Variants in PDE11A observed in about 807,000 individuals in gnomAD.
The protein encoded by PDE11A is phosphodiesterase 11A.
Under a neutral mutation model 100.5 loss-of-function variants are expected in PDE11A, and 100 were observed. That is an observed-to-expected ratio of 1.00 (90% CI 0.85 to 1.18). The LOEUF is 1.18. PDE11A is among the 50% of genes most tolerant of loss of function. The pLI is 0.00. For synonymous variants in PDE11A, 381 were observed against 420.8 expected (o/e 0.91, Z 1.16); for missense variants, 1,141 against 1,152.6 (o/e 0.99, Z 0.15).
At chr2:178,094,295 G>C (rs1230412677) in intron 2 of PDE11A, among the ~76,000 whole-genome samples, 2 of 152,120 alleles carry the variant, frequency 1.3e-5, no homozygotes, top group Non-Finnish European at 2.9e-5. Flanking sequence ...TAGGGAGCCT[G>C]AGGCGGGTGG....
chr2:177,882,372 T>A (rs980433556), intron 4 of PDE11A, among the ~76,000 whole-genome samples: 3 of 152,324 alleles, frequency 2.0e-5, no homozygotes, highest in Middle Eastern at 6.8e-3. Context: ...TAGAATGACA[T>A]TGCAGAAATT....
At chr2:177,889,343 T>C (rs2084491991) in intron 4 of PDE11A, among the ~76,000 whole-genome samples, 1 of 152,222 alleles carries the variant, frequency 6.6e-6, no homozygotes, top group African/African-American at 2.4e-5. Flanking sequence ...TTTTTCAACA[T>C]CTTTGAAGTC....
At chr2:177,977,778 A>G (rs2085829182) in intron 2 of PDE11A, among the ~76,000 whole-genome samples, 1 of 146,594 alleles carries the variant, frequency 6.8e-6, no homozygotes, top group Admixed American at 6.8e-5. Context: ...CCGCATATCT[A>G]CAACTATCTG....
chr2:177,979,860 T>G (rs146054113), intron 2 of PDE11A, among the ~76,000 whole-genome samples: 1,789 of 150,350 alleles, frequency 0.012, 93 homozygotes, highest in East Asian at 0.075. Context: ...TCCGCCTGCC[T>G]CAGCCTCTCA....
At chr2:178,068,279 T>A (rs2087076291) in intron 1 of PDE11A, among the ~76,000 whole-genome samples, 1 of 152,136 alleles carries the variant, frequency 6.6e-6, no homozygotes, top group Non-Finnish European at 1.5e-5. Context: ...ATTTCAAGTC[T>A]GTCTTTTAGG....
chr2:177,846,881 A>G (rs76528903), intron 5 of PDE11A, among the ~76,000 whole-genome samples: 4,396 of 152,268 alleles, frequency 0.029, 207 homozygotes, highest in African/African-American at 0.1. Context: ...CTCACTACCT[A>G]TCATATATTA....
intron 4 of PDE11A, among the ~76,000 whole-genome samples, chr2:177,881,815 G>T (rs2084348321): frequency 6.6e-6 from 1 of 152,198 alleles, no homozygotes; most frequent in African/African-American, 2.4e-5. Context: ...GATCGTGCAG[G>T]CCACAAAGCC....
chr2:177,786,284 G>A (rs1463796040), intron 9 of PDE11A, among the ~76,000 whole-genome samples: 1 of 152,214 alleles, frequency 6.6e-6, no homozygotes, highest in East Asian at 1.9e-4. Context: ...ACAGGGTCTG[G>A]AGTGGACCTC....
chr2:177,938,129 G>A (rs527623941), intron 2 of PDE11A, among the ~76,000 whole-genome samples: 37 of 152,172 alleles, frequency 2.4e-4, no homozygotes, highest in Non-Finnish European at 4.7e-4. Context: ...GGGAAGGTTG[G>A]AAGGGAGGAG....
intron 4 of PDE11A, among the ~76,000 whole-genome samples, chr2:177,895,323 T>TGG (rs1205931141): frequency 6.6e-6 from 1 of 151,838 alleles, no homozygotes; most frequent in African/African-American, 2.4e-5. Context: ...GAGGCCGAGG[T>TGG]GGGTGGATCA....
chr2:177,986,499 C>T (rs1331196314), intron 2 of PDE11A, among the ~76,000 whole-genome samples: 1 of 152,080 alleles, frequency 6.6e-6, no homozygotes, highest in African/African-American at 2.4e-5. Flanking sequence ...ACTACTCATG[C>T]GTTTTACCCT....
At chr2:177,662,085 T>C (rs1173294420) in intron 19 of PDE11A, among the ~76,000 whole-genome samples, 2 of 152,214 alleles carry the variant, frequency 1.3e-5, no homozygotes, top group East Asian at 3.8e-4. Flanking sequence ...ACTCCCTAAA[T>C]TCTAGAAACT....
intron 1 of PDE11A, among the ~76,000 whole-genome samples, chr2:178,029,588 T>G (rs2086519592): frequency 6.6e-6 from 1 of 151,650 alleles, no homozygotes; most frequent in South Asian, 2.1e-4. Flanking sequence ...CATCCAACCA[T>G]AAGGAGTTAG....
At chr2:177,979,214 C>G (rs984196338) in intron 2 of PDE11A, among the ~76,000 whole-genome samples, 2 of 150,746 alleles carry the variant, frequency 1.3e-5, no homozygotes, top group Non-Finnish European at 3.0e-5. Context: ...ATTGCAATCC[C>G]TTGCTATTCC....
At chr2:177,654,195 A>G (rs1412039226) in intron 19 of PDE11A, among the ~76,000 whole-genome samples, 1 of 152,252 alleles carries the variant, frequency 6.6e-6, no homozygotes, top group Non-Finnish European at 1.5e-5. Context: ...CAACAAGTCA[A>G]TTGATCGGAA....
intron 2 of PDE11A, among the ~76,000 whole-genome samples, chr2:177,915,244 T>G (rs2084936606): frequency 2.0e-5 from 3 of 152,236 alleles, no homozygotes; most frequent in Admixed American, 2.0e-4. Context: ...TCACTCTTTG[T>G]GTCACACATT....
intron 10 of PDE11A, among the ~76,000 whole-genome samples, chr2:177,748,118 A>C (rs1438048): frequency 0.72 from 108,784 of 152,014 alleles, 40,281 homozygotes; most frequent in East Asian, 0.86. Flanking sequence ...CATTTCAGAT[A>C]ATAAGGGTCA....
chr2:177,718,215 A>G (rs909213963), intron 12 of PDE11A, among the ~76,000 whole-genome samples: 4 of 152,218 alleles, frequency 2.6e-5, no homozygotes, highest in Admixed American at 2.0e-4. Context: ...TCTCTGAGAC[A>G]GGTAACTGTT....
At chr2:177,861,421 A>G (rs1345863685) in intron 5 of PDE11A, among the ~76,000 whole-genome samples, 1 of 151,992 alleles carries the variant, frequency 6.6e-6, no homozygotes, top group Non-Finnish European at 1.5e-5. Context: ...GAAAGAAATT[A>G]AAGAAGATAC....
Sources: gnomAD v4.1 joint callset for allele counts (sites outside exome capture counted in the v4.1 genomes callset) on GRCh38, gnomAD v4.1.1 for gene constraint, MANE v1.5 for transcripts, NCBI Gene and HGNC (gene_info 2026-07-23, HGNC 2026-07-21) for gene names.